The following CCSER1 variants were observed in gnomAD, a reference collection of about 807,000 sequenced individuals.
CCSER1 encodes the protein coiled-coil serine rich protein 1, also known as serine-rich coiled-coil domain-containing protein 1.
A neutral mutation model predicts 82.0 loss-of-function variants in CCSER1; 41 were observed. The ratio of observed to expected loss-of-function variants is 0.50; its 90% CI spans 0.39 to 0.65. CCSER1 has a LOEUF of 0.65. Ranked by LOEUF, CCSER1 falls within the 30% of genes least tolerant of loss-of-function variation. The pLI is 0.00. For missense variants in CCSER1, 1,119 were observed against 1,064.2 expected (o/e 1.05, Z -0.72); for synonymous variants, 414 against 383.9 (o/e 1.08, Z -0.92).
intron 3 of CCSER1, among the ~76,000 whole-genome samples, chr4:90,375,633 A>G (rs1165079350): frequency 1.3e-5 from 2 of 152,144 alleles, no homozygotes; most frequent in Non-Finnish European, 2.9e-5. Flanking sequence ...AACTCTAACC[A>G]TGATTTGATA....
intron 10 of CCSER1, chr4:91,325,227 G>A (rs762247679): frequency 1.6e-4 from 74 of 455,262 alleles, no homozygotes; most frequent in Non-Finnish European, 2.7e-4. Context: ...AGATATGGCT[G>A]TTGCACATCT....
chr4:90,657,139 A>G (rs1250278040), intron 6 of CCSER1, among the ~76,000 whole-genome samples: 1 of 151,494 alleles, frequency 6.6e-6, no homozygotes, highest in Non-Finnish European at 1.5e-5. Flanking sequence ...CTGATGATGA[A>G]TTCCCTCTCT....
At chr4:90,433,819 T>TA (rs1276458339) in intron 4 of CCSER1, among the ~76,000 whole-genome samples, 1 of 151,954 alleles carries the variant, frequency 6.6e-6, no homozygotes, top group Non-Finnish European at 1.5e-5. Context: ...GGACAGCACA[T>TA]ATAATGGTAT....
At chr4:91,297,391 G>GTGTGTGTA (rs1553921600) in intron 10 of CCSER1, among the ~76,000 whole-genome samples, 1 of 99,466 alleles carries the variant, frequency 1.0e-5, no homozygotes, top group Non-Finnish European at 2.1e-5. Flanking sequence ...GTGTATGTGT[G>GTGTGTGTA]TGTGTGTGTG....
intron 5 of CCSER1, among the ~76,000 whole-genome samples, chr4:90,550,936 G>A (rs755089598): frequency 1.3e-5 from 2 of 152,004 alleles, no homozygotes; most frequent in Admixed American, 6.6e-5. Flanking sequence ...TCATGCTACC[G>A]TCATTCTGAA....
At chr4:90,705,081 G>C (rs1413990190) in intron 6 of CCSER1, among the ~76,000 whole-genome samples, 1 of 152,140 alleles carries the variant, frequency 6.6e-6, no homozygotes, top group Non-Finnish European at 1.5e-5. Flanking sequence ...TTTTTGCTCT[G>C]TTTTTTCCCC....
chr4:91,026,439 C>T (rs930391395), intron 9 of CCSER1, among the ~76,000 whole-genome samples: 2 of 152,020 alleles, frequency 1.3e-5, no homozygotes, highest in African/African-American at 4.8e-5. Flanking sequence ...GTTAACTTTA[C>T]TGTTTTTCTA....
At chr4:90,862,839 A>T (rs1765258100) in intron 8 of CCSER1, among the ~76,000 whole-genome samples, 1 of 150,398 alleles carries the variant, frequency 6.6e-6, no homozygotes. Flanking sequence ...TCTCTCTTTT[A>T]TTAATAAACT....
chr4:90,628,885 G>A (rs564473768), intron 6 of CCSER1, among the ~76,000 whole-genome samples: 1 of 152,034 alleles, frequency 6.6e-6, no homozygotes, highest in South Asian at 2.1e-4. Context: ...TTTATTTGAG[G>A]GATTTCTATA....
chr4:90,184,711 G>C (rs771468871), intron 1 of CCSER1, among the ~76,000 whole-genome samples: 27 of 151,994 alleles, frequency 1.8e-4, no homozygotes, highest in Non-Finnish European at 2.2e-4. Context: ...TGAAACACTT[G>C]GCATAGTTTC....
intron 10 of CCSER1, among the ~76,000 whole-genome samples, chr4:91,559,979 CT>C (rs1036405939): frequency 6.6e-6 from 1 of 151,204 alleles, no homozygotes; most frequent in Non-Finnish European, 1.5e-5. Flanking sequence ...GACAATATTA[CT>C]TTTTGACAAG....
At chr4:90,391,568 A>T (rs1751156219) in intron 3 of CCSER1, among the ~76,000 whole-genome samples, 2 of 145,536 alleles carry the variant, frequency 1.4e-5, no homozygotes, top group South Asian at 4.3e-4. Flanking sequence ...ACAATTTAAA[A>T]ACATCAATAG....
chr4:91,157,387 A>G (rs928869291), intron 10 of CCSER1, among the ~76,000 whole-genome samples: 2 of 152,018 alleles, frequency 1.3e-5, no homozygotes, highest in African/African-American at 4.8e-5. Context: ...TCAGATGAGT[A>G]AGACAGCCTT....
chr4:91,166,084 A>G (rs1290203621), intron 10 of CCSER1, among the ~76,000 whole-genome samples: 1 of 152,222 alleles, frequency 6.6e-6, no homozygotes, highest in Non-Finnish European at 1.5e-5. Context: ...ATTATAGCTA[A>G]CATTTTAAGA....
Position 91,504,224 on chromosome 4 carries a change from A to C in CCSER1, c.2218-94348A>C, listed in dbSNP as rs1187078093. On this transcript the variant is annotated intron_variant, in intron 10 of 10. Coordinates refer to ENST00000509176, the MANE Select transcript of CCSER1 (RefSeq NM_001145065.2). ...TGATACATGATTTATTTTTGGGAAA[A>C]GGGTATACATTTGAGAGTCAAAAGA... 2.6e-5 allele frequency among the ~76,000 whole-genome samples: 4 copies of C among 152,178 alleles called. No homozygotes were observed. The South Asian group carries it at 8.3e-4, about 31-fold the overall frequency.
chr4:90,604,871 G>C (rs1315871091), intron 5 of CCSER1, among the ~76,000 whole-genome samples: 1 of 152,098 alleles, frequency 6.6e-6, no homozygotes, highest in Non-Finnish European at 1.5e-5. Flanking sequence ...TGTCAAAATG[G>C]GCCAATCAGC....
At chr4:90,218,932 G>T (rs1044483394) in intron 1 of CCSER1, among the ~76,000 whole-genome samples, 2 of 152,082 alleles carry the variant, frequency 1.3e-5, no homozygotes, top group Non-Finnish European at 2.9e-5. Flanking sequence ...CAATGAAGGG[G>T]GTTATACTAT....
intron 10 of CCSER1, among the ~76,000 whole-genome samples, chr4:91,345,069 T>G (rs79084030): frequency 0.086 from 13,160 of 152,166 alleles, 1,923 homozygotes; most frequent in African/African-American, 0.3. Context: ...GGAAGCACTT[T>G]CCTAACTGTT....
chr4:90,298,055 T>G (rs547719471), intron 1 of CCSER1, among the ~76,000 whole-genome samples: 1 of 152,256 alleles, frequency 6.6e-6, no homozygotes, highest in South Asian at 2.1e-4. Context: ...TTGGAATAGT[T>G]TCAGGAGGAA....
Sources: allele counts gnomAD v4.1 joint callset (sites outside exome capture counted in the v4.1 genomes callset), GRCh38; gene constraint gnomAD v4.1.1; transcripts MANE v1.5; gene names NCBI Gene and HGNC (gene_info 2026-07-23, HGNC 2026-07-21).